FAM169A: variants seen among roughly 807,000 people sequenced by gnomAD.
FAM169A encodes the protein family with sequence similarity 169 member A.
FAM169A carries 24 observed loss-of-function variants against 75.7 expected under a neutral mutation model. The ratio of observed to expected loss-of-function variants is 0.32; its 90% CI spans 0.23 to 0.45. The LOEUF (loss-of-function observed/expected upper bound fraction) is 0.45. FAM169A is among the 20% of genes least tolerant of loss of function. The pLI is 1.00. For synonymous variants in FAM169A, 271 were observed against 271.0 expected (o/e 1.00, Z 0.00); for missense variants, 673 against 784.0 (o/e 0.86, Z 1.69).
chr5:74,841,567 C>A lies in FAM169A; in HGVS notation c.110G>T (p.Cys37Phe), dbSNP rs1264100167. ...LRCGDPENPE[C>F]FSLLNITIPI... The stretch of plus-strand genomic sequence containing the variant: ...TACCGTAATATTGAGAAGAGAAAAA[C>A]ACTCTGGATTTTCAGGGTCCCCACA... Residue 37 changes from cysteine to phenylalanine, a missense_variant, in exon 2 of 13, where the codon TGT (cysteine) becomes TTT (phenylalanine). Transcript: ENST00000687041. 1.2e-6 allele frequency: 2 copies of A among 1,612,932 alleles called. No homozygotes were observed. Among genetic ancestry groups the A allele is most frequent in the Admixed American group, 1.7e-5 (1 of 59,926 alleles).
chr5:74,861,586 G>T (rs991499674), intron 1 of FAM169A, among the ~76,000 whole-genome samples: 1 of 152,074 alleles, frequency 6.6e-6, no homozygotes, highest in Non-Finnish European at 1.5e-5. Flanking sequence ...GTGCTGATGG[G>T]CACCTGTAAT....
At chr5:74,798,987 A>G (rs1308664721) in intron 10 of FAM169A, 6 of 1,172,604 alleles carry the variant, frequency 5.1e-6, no homozygotes, top group Non-Finnish European at 7.6e-6. Flanking sequence ...TGAAAACACT[A>G]AGAATAATGT....
At position 74,796,204 on chromosome 5, in the gene FAM169A, A is replaced by C. The variant is rs1441680501; in HGVS notation, c.1104-18T>G. 6.3e-7 allele frequency: 1 copy of C among 1,590,592 alleles called. No individual in the cohort carries two copies. The highest frequency in any genetic ancestry group is 2.2e-5 in the East Asian group (1 of 44,584). On this transcript the variant is annotated intron_variant, in intron 10 of 12. Transcript: ENST00000687041. ...ACTCCAATCTAAAAAACAAAAGAAA[A>C]CCATTCTGACTTGTTTTATTAAGGA...
intron 1 of FAM169A, among the ~76,000 whole-genome samples, chr5:74,856,396 T>G (rs140560339): frequency 1.1e-3 from 170 of 152,338 alleles, no homozygotes; most frequent in Non-Finnish European, 2.1e-3. Flanking sequence ...TTGACAATAT[T>G]GATTCTTCCA....
At chr5:74,830,037 T>C (rs538390128) in intron 5 of FAM169A, among the ~76,000 whole-genome samples, 15 of 152,268 alleles carry the variant, frequency 9.9e-5, no homozygotes, top group Admixed American at 9.2e-4. Context: ...CCTAAGGTGG[T>C]AGCATTTTGA....
intron 11 of FAM169A, among the ~76,000 whole-genome samples, chr5:74,788,705 C>CAA (rs111938760): frequency 2.8e-5 from 3 of 106,842 alleles, no homozygotes; most frequent in African/African-American, 7.0e-5. Context: ...AACTCCATCT[C>CAA]AAAAAAAAAA....
At position 74,781,998 on chromosome 5, in the gene FAM169A, A is replaced by G; in HGVS notation, c.1475T>C (p.Ile492Thr). The G allele has an allele frequency of 1.2e-6, 2 of 1,601,498 alleles. No homozygotes were observed. Among genetic ancestry groups the G allele is most frequent in the South Asian group, 2.2e-5 (2 of 90,170 alleles). Residue 492 changes from isoleucine (I) to threonine (T), a missense_variant, in exon 13 of 13, where the codon ATA (isoleucine) becomes ACA (threonine). Ile to Thr is a moderately conservative substitution (Grantham distance 89). Coordinates refer to ENST00000687041, the MANE Select transcript of FAM169A (RefSeq NM_001376049.1). Reference sequence around the variant, plus strand: ...ATCCATCAACATTTCTGAGTCAGGTATACGTGGGGTCTGAAAATTAAAAAC... The same window carrying G: ...ATCCATCAACATTTCTGAGTCAGGTGTACGTGGGGTCTGAAAATTAAAAAC... ...EVDAPDKTPR[I>T]PDSEMLMDEG...
intron 2 of FAM169A, among the ~76,000 whole-genome samples, chr5:74,840,901 T>G (rs1433748322): frequency 6.6e-6 from 1 of 152,100 alleles, no homozygotes; most frequent in African/African-American, 2.4e-5. Context: ...TAATATGCTT[T>G]AACATTTTTT....
chr5:74,863,141 G>A (rs1750129433), intron 1 of FAM169A, among the ~76,000 whole-genome samples: 1 of 151,902 alleles, frequency 6.6e-6, no homozygotes, highest in African/African-American at 2.4e-5. Flanking sequence ...AAACGTTAAG[G>A]TATCATATAC....
At chr5:74,784,831 A>G (rs1745608976) in intron 11 of FAM169A, among the ~76,000 whole-genome samples, 1 of 145,208 alleles carries the variant, frequency 6.9e-6, no homozygotes, top group African/African-American at 2.6e-5. Context: ...AGGCAGAAGA[A>G]TGGCGTGAAC....
intron 5 of FAM169A, among the ~76,000 whole-genome samples, chr5:74,828,543 G>C (rs924930711): frequency 6.6e-6 from 1 of 152,086 alleles, no homozygotes; most frequent in East Asian, 1.9e-4. Context: ...AGCAAGGCTG[G>C]GGTAACTGTC....
intron 5 of FAM169A, among the ~76,000 whole-genome samples, chr5:74,816,031 T>C (rs983692506): frequency 5.3e-5 from 8 of 152,252 alleles, no homozygotes; most frequent in Admixed American, 3.9e-4. Context: ...TTTCACTTTA[T>C]GGACTTGCCC....
chr5:74,784,722 T>C (rs1219092544), intron 11 of FAM169A, among the ~76,000 whole-genome samples: 2 of 145,188 alleles, frequency 1.4e-5, no homozygotes, highest in African/African-American at 5.1e-5. Flanking sequence ...ATCGAGACCA[T>C]CCTGGCTAAC....
intron 5 of FAM169A, among the ~76,000 whole-genome samples, chr5:74,823,931 T>C (rs780067714): frequency 1.3e-5 from 2 of 152,184 alleles, no homozygotes; most frequent in Non-Finnish European, 2.9e-5. Flanking sequence ...AAAATAACCT[T>C]AAAAGGCCCA....
chr5:74,821,247 C>T (rs1182423398), intron 5 of FAM169A, among the ~76,000 whole-genome samples: 1 of 152,116 alleles, frequency 6.6e-6, no homozygotes, highest in Non-Finnish European at 1.5e-5. Context: ...ACACTTCCCC[C>T]GCCTCCCTTT....
chr5:74,839,260 A>G (rs1290531975), intron 3 of FAM169A, among the ~76,000 whole-genome samples: 1 of 151,998 alleles, frequency 6.6e-6, no homozygotes, highest in Non-Finnish European at 1.5e-5. Context: ...CCCAAATCTC[A>G]TCTTGAACTG....
At chr5:74,816,721 G>A (rs1747490469) in intron 5 of FAM169A, among the ~76,000 whole-genome samples, 1 of 152,166 alleles carries the variant, frequency 6.6e-6, no homozygotes, top group Admixed American at 6.5e-5. Context: ...ATAACCTGCT[G>A]TCTTAGGTAA....
At chr5:74,831,667 T>C (rs1348696108) in intron 5 of FAM169A, among the ~76,000 whole-genome samples, 1 of 152,188 alleles carries the variant, frequency 6.6e-6, no homozygotes, top group Non-Finnish European at 1.5e-5. Flanking sequence ...TTGGAGCATT[T>C]TGGATTTCAA....
At chr5:74,818,308 G>GA (rs1395308822) in intron 5 of FAM169A, among the ~76,000 whole-genome samples, 3 of 151,488 alleles carry the variant, frequency 2.0e-5, no homozygotes, top group Admixed American at 6.6e-5. Context: ...AACTCAAAAA[G>GA]AAAAAAAAGA....
Sources: allele counts gnomAD v4.1 joint callset (sites outside exome capture counted in the v4.1 genomes callset), GRCh38; gene constraint gnomAD v4.1.1; transcripts MANE v1.5; gene names NCBI Gene and HGNC (gene_info 2026-07-23, HGNC 2026-07-21).